TAMM41: variants seen among roughly 807,000 people sequenced by gnomAD.
TAMM41 encodes TAM41 mitochondrial translocator assembly and maintenance homolog, also known as phosphatidate cytidylyltransferase, mitochondrial.
A neutral mutation model predicts 44.1 loss-of-function variants in TAMM41; 36 were observed. That is an observed-to-expected ratio of 0.82 (90% CI 0.63 to 1.08). TAMM41 has a LOEUF of 1.08. Among genes scored for constraint, TAMM41 ranks in the 50% least tolerant of loss-of-function variants. The pLI is 0.00. For missense variants in TAMM41, 417 were observed against 404.3 expected, an observed-to-expected ratio of 1.03 and a Z score of -0.27; for synonymous variants, 164 against 153.1, an observed-to-expected ratio of 1.07 and a Z score of -0.53.
the TAMM41 span, among the ~76,000 whole-genome samples, chr3:11,753,272 C>CA: frequency 6.6e-6 from 1 of 151,392 alleles, no homozygotes; most frequent in South Asian, 2.1e-4. Flanking sequence ...ACTAAAAATA[C>CA]AAAAAAAGAA....
chr3:11,790,045 C>G (rs992304048), downstream of TAMM41, among the ~76,000 whole-genome samples: 1 of 152,028 alleles, frequency 6.6e-6, no homozygotes, highest in Admixed American at 6.5e-5. Flanking sequence ...AAGAAACACA[C>G]GAAAAGCCTA....
intron 1 of TAMM41, among the ~76,000 whole-genome samples, chr3:11,845,688 G>C (rs955568182): frequency 1.3e-5 from 2 of 152,150 alleles, no homozygotes; most frequent in Non-Finnish European, 2.9e-5. Context: ...CAACAGCATA[G>C]ATGGCCTCAC....
chr3:11,813,869 T>A (rs1001034323), intron 5 of TAMM41, among the ~76,000 whole-genome samples: 1 of 144,490 alleles, frequency 6.9e-6, no homozygotes, highest in African/African-American at 2.7e-5. Context: ...TGTATGTATA[T>A]ATATGTATAT....
chr3:11,787,920 T>C (rs1038182940), downstream of TAMM41, among the ~76,000 whole-genome samples: 3 of 152,198 alleles, frequency 2.0e-5, no homozygotes, highest in African/African-American at 7.2e-5. Context: ...CTCTCCTCCT[T>C]ATATGGCTTT....
chr3:11,777,829 T>G, the TAMM41 span, among the ~76,000 whole-genome samples: 1 of 151,972 alleles, frequency 6.6e-6, no homozygotes, highest in Non-Finnish European at 1.5e-5. Flanking sequence ...GCGTTTTTAT[T>G]TATAGAGTTG....
chr3:11,842,641 C>T (rs1480375723), intron 2 of TAMM41, among the ~76,000 whole-genome samples: 1 of 151,624 alleles, frequency 6.6e-6, no homozygotes. Flanking sequence ...TTGCAATGAG[C>T]GGAGATGGTG....
At chr3:11,804,828 G>A (rs1191352053) in intron 7 of TAMM41, among the ~76,000 whole-genome samples, 1 of 151,758 alleles carries the variant, frequency 6.6e-6, no homozygotes, top group Admixed American at 6.6e-5. Context: ...GTGCTACTAA[G>A]TCTTTGTTGA....
At position 11,807,493 on chromosome 3, in the gene TAMM41, G is replaced by A. The variant is rs1260331110; in HGVS notation, c.937+340C>T. 2.6e-6 allele frequency: 4 copies of A among 1,536,008 alleles called. No homozygotes were observed. In the Admixed American group the frequency reaches 7.8e-5, roughly 30 times the overall value. On this transcript the variant is annotated intron_variant, in intron 7 of 7. Coordinates refer to ENST00000455809, the MANE Select transcript of TAMM41 (RefSeq NM_001284401.2). ...CAGTTGTCTCAGAGAAGGGGAAGAG[G>A]AGGGGGAGCACAGATGCTGCTGTTT...
the TAMM41 span, among the ~76,000 whole-genome samples, chr3:11,776,708 C>T: frequency 2.6e-5 from 4 of 152,170 alleles, no homozygotes; most frequent in Admixed American, 2.0e-4. Flanking sequence ...TTAAGTGACA[C>T]GTGACTGCAG....
the TAMM41 span, among the ~76,000 whole-genome samples, chr3:11,770,959 A>G: frequency 6.6e-6 from 1 of 151,932 alleles, no homozygotes; most frequent in African/African-American, 2.4e-5. Flanking sequence ...CTTCACTCCC[A>G]GTTCCCTCCT....
chr3:11,808,659 T>G, intron 6 of TAMM41: 4 of 973,236 alleles, frequency 4.1e-6, no homozygotes, highest in Non-Finnish European at 4.9e-6. Context: ...CTTGATTGAC[T>G]GATCTCATAA....
At chr3:11,809,244 G>C (rs2078013579) in intron 6 of TAMM41, 1 of 453,828 alleles carries the variant, frequency 2.2e-6, no homozygotes, top group Admixed American at 4.2e-5. Context: ...AATTCTAGAA[G>C]TTGTGCTCTA....
the TAMM41 span, among the ~76,000 whole-genome samples, chr3:11,744,746 ATTGG>A: frequency 1.3e-5 from 2 of 151,892 alleles, no homozygotes; most frequent in East Asian, 3.9e-4. Context: ...CAGAAAATAG[ATTGG>A]GCATGGTGGC....
At chr3:11,750,432 T>C in the TAMM41 span, among the ~76,000 whole-genome samples, 1 of 151,332 alleles carries the variant, frequency 6.6e-6, no homozygotes, top group Non-Finnish European at 1.5e-5. Context: ...CCTAAGCTTC[T>C]TGAGTAGCAG....
intron 7 of TAMM41, among the ~76,000 whole-genome samples, chr3:11,803,887 A>G (rs1267181396): frequency 6.6e-6 from 1 of 152,232 alleles, no homozygotes; most frequent in Non-Finnish European, 1.5e-5. Context: ...AACAATGTGT[A>G]TGCATGAGCA....
At chr3:11,796,093 G>A (rs1340762135) in intron 7 of TAMM41, among the ~76,000 whole-genome samples, 1 of 152,194 alleles carries the variant, frequency 6.6e-6, no homozygotes, top group Non-Finnish European at 1.5e-5. Flanking sequence ...GTATGTGATG[G>A]TCAGGGAATT....
intron 3 of TAMM41, among the ~76,000 whole-genome samples, chr3:11,837,077 G>A (rs1387015797): frequency 6.6e-6 from 1 of 152,162 alleles, no homozygotes; most frequent in Non-Finnish European, 1.5e-5. Context: ...ATTTTAAGGA[G>A]CTACACTATG....
chr3:11,845,061 G>C, intron 1 of TAMM41: 1 of 450,112 alleles, frequency 2.2e-6, no homozygotes, highest in South Asian at 1.6e-5. Context: ...GTGGATATGG[G>C]AGCCAGCATG....
intron 4 of TAMM41, among the ~76,000 whole-genome samples, chr3:11,823,263 T>G (rs1047682476): frequency 5.4e-5 from 8 of 148,990 alleles, no homozygotes; most frequent in East Asian, 3.9e-4. Context: ...TGTTTTTTTT[T>G]TTTTTTTTTT....
Sources: allele counts gnomAD v4.1 joint callset (sites outside exome capture counted in the v4.1 genomes callset), GRCh38; gene constraint gnomAD v4.1.1; transcripts MANE v1.5; gene names NCBI Gene and HGNC (gene_info 2026-07-23, HGNC 2026-07-21).